The following TENM3 variants were observed in gnomAD, a reference collection of about 807,000 sequenced individuals.
The protein encoded by TENM3 is teneurin transmembrane protein 3.
In TENM3, 63 loss-of-function variants were observed where a neutral mutation model predicts 255.1. The ratio of observed to expected loss-of-function variants is 0.25; its 90% CI spans 0.20 to 0.30. The LOEUF (loss-of-function observed/expected upper bound fraction) is 0.30. Ranked by LOEUF, TENM3 falls within the 10% of genes least tolerant of loss-of-function variation. The probability of loss-of-function intolerance (pLI) is 1.00; values close to 1 mark genes in which losing one functional copy is unlikely to be tolerated. For synonymous variants in TENM3, 1,306 were observed against 1,322.3 expected (o/e 0.99, Z 0.27); for missense variants, 2,929 against 3,461.1 (o/e 0.85, Z 3.86).
intron 3 of TENM3, among the ~76,000 whole-genome samples, chr4:182,358,192 G>A (rs2150753232): frequency 6.6e-6 from 1 of 150,590 alleles, no homozygotes; most frequent in East Asian, 2.0e-4. Context: ...GATTGACTTG[G>A]CGATGCGGGC....
At chr4:182,455,767 G>A (rs1773827871) in intron 3 of TENM3, among the ~76,000 whole-genome samples, 1 of 151,866 alleles carries the variant, frequency 6.6e-6, no homozygotes, top group African/African-American at 2.4e-5. Context: ...TCACCATGTT[G>A]GCCAGGCTGG....
the TENM3 span, among the ~76,000 whole-genome samples, chr4:181,788,564 G>T: frequency 6.6e-6 from 1 of 152,116 alleles, no homozygotes; most frequent in Non-Finnish European, 1.5e-5. Context: ...TGCTTTCTAG[G>T]TACAGTGCGG....
intron 1 of TENM3, among the ~76,000 whole-genome samples, chr4:182,231,829 TA>T (rs1756605279): frequency 6.6e-6 from 1 of 152,160 alleles, no homozygotes; most frequent in Non-Finnish European, 1.5e-5. Context: ...CCCAAAGAAT[TA>T]TAGAGTGGCA....
At chr4:182,136,926 T>C in the TENM3 span, among the ~76,000 whole-genome samples, 3 of 152,192 alleles carry the variant, frequency 2.0e-5, no homozygotes, top group Non-Finnish European at 2.9e-5. Context: ...GTCTTCCCAC[T>C]GTAAGGATTC....
the TENM3 span, among the ~76,000 whole-genome samples, chr4:181,650,498 G>A: frequency 3.3e-5 from 5 of 152,130 alleles, no homozygotes. Flanking sequence ...TTTGGAGACG[G>A]GGTGTTCATC....
chr4:182,198,675 GA>G (rs1753981434), intron 1 of TENM3, among the ~76,000 whole-genome samples: 1 of 152,214 alleles, frequency 6.6e-6, no homozygotes, highest in Admixed American at 6.5e-5. Flanking sequence ...ATTTCCTGAC[GA>G]GCAGGTGTCA....
chr4:182,471,175 T>G (rs1272014794), intron 3 of TENM3, among the ~76,000 whole-genome samples: 1 of 152,210 alleles, frequency 6.6e-6, no homozygotes, highest in Non-Finnish European at 1.5e-5. Flanking sequence ...CACACTTCAC[T>G]GTAATAGGGA....
At chr4:182,282,894 G>GAAAAAAAAAAAAAA (rs35385277) in intron 1 of TENM3, among the ~76,000 whole-genome samples, 1 of 70,954 alleles carries the variant, frequency 1.4e-5, no homozygotes, top group Non-Finnish European at 2.8e-5. Flanking sequence ...CTCCATTTCA[G>GAAAAAAAAAAAAAA]AAAAAAAAAA....
chr4:182,042,646 A>G, the TENM3 span, among the ~76,000 whole-genome samples: 7 of 152,354 alleles, frequency 4.6e-5, no homozygotes, highest in East Asian at 1.4e-3. Context: ...ACGAATATGT[A>G]GGAATGTCGA....
chr4:181,844,444 G>A, the TENM3 span, among the ~76,000 whole-genome samples: 1,285 of 152,026 alleles, frequency 8.5e-3, 26 homozygotes, highest in African/African-American at 0.029. Flanking sequence ...CGAGGCGGGC[G>A]GATCACGAGG....
At chr4:182,429,918 A>G (rs1771497797) in intron 3 of TENM3, among the ~76,000 whole-genome samples, 1 of 152,198 alleles carries the variant, frequency 6.6e-6, no homozygotes, top group African/African-American at 2.4e-5. Flanking sequence ...ACATGCGTAT[A>G]TTACTCCTAT....
chr4:182,091,014 G>C, the TENM3 span, among the ~76,000 whole-genome samples: 1 of 152,122 alleles, frequency 6.6e-6, no homozygotes, highest in Non-Finnish European at 1.5e-5. Context: ...ACAATATTGA[G>C]TTATAAAATT....
the TENM3 span, among the ~76,000 whole-genome samples, chr4:181,895,480 C>A: frequency 2.0e-5 from 3 of 151,346 alleles, no homozygotes; most frequent in South Asian, 6.3e-4. Flanking sequence ...CGCTCCCAGT[C>A]CCCCAATTTT....
the TENM3 span, among the ~76,000 whole-genome samples, chr4:182,098,892 A>C: frequency 1.3e-5 from 2 of 151,808 alleles, no homozygotes; most frequent in Non-Finnish European, 2.9e-5. Context: ...CCCTGATTTG[A>C]TCATTACACA....
the TENM3 span, chr4:181,830,040 A>G: frequency 6.6e-6 from 1 of 152,250 alleles, no homozygotes; most frequent in African/African-American, 2.4e-5. Flanking sequence ...AGGATCTAGC[A>G]GGAGAGAGAA....
intron 3 of TENM3, among the ~76,000 whole-genome samples, chr4:182,369,239 A>G (rs1044122063): frequency 1.2e-4 from 19 of 152,174 alleles, no homozygotes; most frequent in Non-Finnish European, 1.5e-5. Flanking sequence ...ATTATGTTTA[A>G]TCTTTTCAAC....
chr4:182,288,833 A>C (rs1244421086), intron 1 of TENM3, among the ~76,000 whole-genome samples: 1 of 152,194 alleles, frequency 6.6e-6, no homozygotes, highest in Admixed American at 6.5e-5. Context: ...GTACAAAGTC[A>C]TTCTCTCAGG....
At chr4:181,681,414 T>A in the TENM3 span, among the ~76,000 whole-genome samples, 1 of 152,122 alleles carries the variant, frequency 6.6e-6, no homozygotes, top group African/African-American at 2.4e-5. Flanking sequence ...TCTGAAGGCA[T>A]TTATCACTAA....
the TENM3 span, among the ~76,000 whole-genome samples, chr4:181,845,916 C>A: frequency 6.6e-6 from 1 of 152,156 alleles, no homozygotes; most frequent in Non-Finnish European, 1.5e-5. Flanking sequence ...CTTATTCTTT[C>A]CTATTGGCAT....
Sources: gnomAD v4.1 joint callset for allele counts (sites outside exome capture counted in the v4.1 genomes callset) on GRCh38, gnomAD v4.1.1 for gene constraint, MANE v1.5 for transcripts, NCBI Gene and HGNC (gene_info 2026-07-23, HGNC 2026-07-21) for gene names.